DEPTOR: variants seen among roughly 807,000 people sequenced by gnomAD.
The protein encoded by DEPTOR is DEP domain containing MTOR interacting protein, also known as DEP domain-containing mTOR-interacting protein.
Under a neutral mutation model 41.6 loss-of-function variants are expected in DEPTOR, and 41 were observed. The ratio of observed to expected loss-of-function variants is 0.98; its 90% CI spans 0.77 to 1.28. The LOEUF (loss-of-function observed/expected upper bound fraction) is 1.28. Among genes scored for constraint, DEPTOR ranks in the 50% most tolerant of loss-of-function variants. The pLI is 0.00. For missense variants in DEPTOR, 514 were observed against 527.9 expected (o/e 0.97, Z 0.26); for synonymous variants, 195 against 192.3 (o/e 1.01, Z -0.12).
intron 1 of DEPTOR, among the ~76,000 whole-genome samples, chr8:119,927,932 C>T (rs1237386348): frequency 1.3e-5 from 2 of 152,108 alleles, no homozygotes; most frequent in African/African-American, 4.8e-5. Flanking sequence ...CTAGAAGTAC[C>T]TAACAGGCAG....
chr8:119,878,727 G>T (rs192955396), intron 1 of DEPTOR, among the ~76,000 whole-genome samples: 21 of 152,110 alleles, frequency 1.4e-4, no homozygotes, highest in African/African-American at 4.8e-4. Context: ...TTAACTGCAG[G>T]ACCCTTTGTT....
intron 1 of DEPTOR, among the ~76,000 whole-genome samples, chr8:119,881,398 C>A (rs1350101947): frequency 6.6e-6 from 1 of 151,984 alleles, no homozygotes; most frequent in African/African-American, 2.4e-5. Context: ...GTGGTGCGTG[C>A]TTGCAGTCCC....
intron 1 of DEPTOR, among the ~76,000 whole-genome samples, chr8:119,882,925 C>T (rs1423124445): frequency 2.6e-5 from 4 of 152,040 alleles, no homozygotes; most frequent in African/African-American, 9.7e-5. Flanking sequence ...TATTATCAGC[C>T]TTAACTAAAC....
In DEPTOR at chr8:119,977,826, C is replaced by CT. The variant is rs1232731369; in HGVS notation, c.604+12417dup. Among the ~76,000 whole-genome samples the CT allele has an allele frequency of 5.2e-4, 78 of 151,398 alleles. 1 individual carries two copies. Among genetic ancestry groups the CT allele is most frequent in the South Asian group, 4.2e-4 (2 of 4,794 alleles). ...ACAGACGAGAGGTTTCTTTCTCTCT[C>CT]TCTTTTTTTTAATTTAAAGATGGGG... On this transcript the variant is annotated intron_variant, in intron 4 of 8. Coordinates refer to ENST00000286234, the MANE Select transcript of DEPTOR (RefSeq NM_022783.4).
chr8:119,897,360 C>T (rs188301455), intron 1 of DEPTOR, among the ~76,000 whole-genome samples: 26 of 152,180 alleles, frequency 1.7e-4, no homozygotes, highest in African/African-American at 6.0e-4. Flanking sequence ...TGGTGAAACC[C>T]TGTCTCTACT....
chr8:119,873,941 A>T lies in DEPTOR; in HGVS notation c.95A>T (p.Glu32Val). Reference sequence around the variant, plus strand: ...CAAAGGGAGCTGGAGCGCATGGCTGAGGTCTTGGTCACCGGGGAACAGCTA... The same window carrying T: ...CAAAGGGAGCTGGAGCGCATGGCTGTGGTCTTGGTCACCGGGGAACAGCTA... ...AQQRELERMA[E>V]VLVTGEQLRL... The change falls in exon 1 of 9, where the codon GAG becomes GTG. Residue 32 changes from glutamate to valine, a missense_variant. Physicochemically the swap from Glu to Val is moderately radical, Grantham distance 121. Transcript: ENST00000286234. The T allele has an allele frequency of 6.2e-7, 1 of 1,613,670 alleles. No individual in the cohort carries two copies. The highest frequency in any genetic ancestry group is 8.5e-7 in the Non-Finnish European group (1 of 1,179,818).
At chr8:120,037,579 G>A (rs1322884688) in intron 8 of DEPTOR, among the ~76,000 whole-genome samples, 2 of 152,052 alleles carry the variant, frequency 1.3e-5, no homozygotes, top group East Asian at 1.9e-4. Flanking sequence ...ATGTGTTATC[G>A]TTCCACCTGG....
At chr8:119,981,785 G>C (rs1343883775) in intron 4 of DEPTOR, among the ~76,000 whole-genome samples, 2 of 152,146 alleles carry the variant, frequency 1.3e-5, no homozygotes, top group East Asian at 3.9e-4. Flanking sequence ...GGGAAGCCAA[G>C]GCAGGCGAAT....
At chr8:119,874,390 T>C (rs1827206768) in intron 1 of DEPTOR, 1 of 201,936 alleles carries the variant, frequency 5.0e-6, no homozygotes, top group African/African-American at 2.4e-5. Context: ...CCTCTACTCC[T>C]TGATAAAAGG....
intron 3 of DEPTOR, 135 bp downstream of exon 3, chr8:119,930,073 A>G: frequency 9.4e-7 from 1 of 1,061,836 alleles, no homozygotes; most frequent in Admixed American, 2.8e-5. Flanking sequence ...CCATATGAGA[A>G]AACTATCAAG....
At chr8:119,933,405 T>C (rs991566068) in intron 3 of DEPTOR, among the ~76,000 whole-genome samples, 12 of 148,658 alleles carry the variant, frequency 8.1e-5, no homozygotes, top group Non-Finnish European at 1.5e-4. Flanking sequence ...GGCAGGAGAA[T>C]CGCTTGAACC....
chr8:120,032,569 G>A (rs1812909270), intron 8 of DEPTOR, among the ~76,000 whole-genome samples: 1 of 152,174 alleles, frequency 6.6e-6, no homozygotes, highest in Non-Finnish European at 1.5e-5. Context: ...CACAAGTGAA[G>A]CTGGTGATGA....
rs528283802 is a variant in DEPTOR at position 119,981,394 on chromosome 8, C to T, written c.604+15984C>T. On this transcript the variant is annotated intron_variant, in intron 4 of 8. Coordinates refer to ENST00000286234, the MANE Select transcript of DEPTOR (RefSeq NM_022783.4). ...AATGTAGGATGGGCACAGTGGCTCA[C>T]GCCTGTATTCCCAGCACTTTGGGAG... Among the ~76,000 whole-genome samples the T allele has an allele frequency of 2.9e-3, 444 of 152,238 alleles. 3 individuals are homozygous for T. Among genetic ancestry groups the T allele is most frequent in the African/African-American group, 7.6e-3 (316 of 41,530 alleles).
chr8:119,988,966 T>C (rs1291736918), intron 4 of DEPTOR, among the ~76,000 whole-genome samples: 74 of 142,956 alleles, frequency 5.2e-4, no homozygotes, highest in East Asian at 2.5e-3. Context: ...TTCTTTTTTT[T>C]TTTTTTTTTT....
At chr8:119,933,276 G>A (rs1467171980) in intron 3 of DEPTOR, among the ~76,000 whole-genome samples, 2 of 152,024 alleles carry the variant, frequency 1.3e-5, no homozygotes, top group Admixed American at 6.6e-5. Flanking sequence ...GATCACCAGA[G>A]GGCAGGAGTT....
rs1177103228 is a variant in DEPTOR at position 120,002,791 on chromosome 8, A to AATATATATATATAT, written c.791-178_791-165dup. 1.2e-3 allele frequency among the ~76,000 whole-genome samples: 70 copies of AATATATATATATAT among 60,638 alleles called. 2 individuals are homozygous for AATATATATATATAT. Among genetic ancestry groups the AATATATATATATAT allele is most frequent in the Admixed American group, 1.8e-3 (7 of 3,896 alleles). 39.8% of individuals were successfully genotyped at this position (60,638 alleles called of 152,430 possible). ...GACTCCATCTCAAAAAAAAAAAAAA[A>AATATATATATATAT]ATATATATATATATATATATAATAT... On this transcript the variant is annotated intron_variant, in intron 5 of 8. Transcript: ENST00000286234.
At chr8:119,923,320 G>A (rs1286743098) in intron 1 of DEPTOR, among the ~76,000 whole-genome samples, 1 of 151,700 alleles carries the variant, frequency 6.6e-6, no homozygotes, top group Non-Finnish European at 1.5e-5. Flanking sequence ...CTTGGCTCAC[G>A]GCAACTTCCA....
At chr8:119,952,142 A>T (rs1828361026) in intron 3 of DEPTOR, among the ~76,000 whole-genome samples, 1 of 152,104 alleles carries the variant, frequency 6.6e-6, no homozygotes, top group Admixed American at 6.6e-5. Context: ...TCTCAAAAAA[A>T]AAGAGGAAGT....
At chr8:120,032,864 T>C (rs1338071044) in intron 8 of DEPTOR, among the ~76,000 whole-genome samples, 1 of 152,114 alleles carries the variant, frequency 6.6e-6, no homozygotes, top group Admixed American at 6.6e-5. Context: ...TAGCTCTGTT[T>C]TGGCCAAGTT....
Sources: allele counts gnomAD v4.1 joint callset (sites outside exome capture counted in the v4.1 genomes callset), GRCh38; gene constraint gnomAD v4.1.1; transcripts MANE v1.5; gene names NCBI Gene and HGNC (gene_info 2026-07-23, HGNC 2026-07-21).